SASH1: variants seen among roughly 807,000 people sequenced by gnomAD.
SASH1 encodes the protein SAM and SH3 domain-containing protein 1.
A neutral mutation model predicts 125.2 loss-of-function variants in SASH1; 44 were observed. The observed-to-expected ratio is 0.35, with a 90% CI of 0.28 to 0.45. The LOEUF is 0.45. Among genes scored for constraint, SASH1 ranks in the 20% least tolerant of loss-of-function variants. The probability of loss-of-function intolerance (pLI) is 1.00; values close to 1 mark genes in which losing one functional copy is unlikely to be tolerated. For missense variants in SASH1, 1,426 were observed against 1,614.5 expected (o/e 0.88, Z 2.00); for synonymous variants, 639 against 649.1 (o/e 0.98, Z 0.24).
At chr6:148,412,893 G>A (rs566068312) in intron 2 of SASH1, among the ~76,000 whole-genome samples, 6 of 152,246 alleles carry the variant, frequency 3.9e-5, no homozygotes, top group East Asian at 3.9e-4. Flanking sequence ...AAGAAAAGTC[G>A]TGTTCCTTAA....
At chr6:148,195,841 C>T in the SASH1 span, among the ~76,000 whole-genome samples, 1 of 152,220 alleles carries the variant, frequency 6.6e-6, no homozygotes, top group South Asian at 2.1e-4. Context: ...GCTACTCAAC[C>T]TGTGTGAACC....
chr6:148,543,292 A>G (rs1782341884), intron 17 of SASH1, among the ~76,000 whole-genome samples: 1 of 152,170 alleles, frequency 6.6e-6, no homozygotes, highest in South Asian at 2.1e-4. Context: ...CTTTTCCATC[A>G]TGACCTTGAG....
At chr6:148,305,801 G>A (rs1177038491) in intron 1 of SASH1, among the ~76,000 whole-genome samples, 1 of 152,158 alleles carries the variant, frequency 6.6e-6, no homozygotes, top group East Asian at 1.9e-4. Context: ...TGACGCACCA[G>A]AAACTAGCAA....
intron 1 of SASH1, among the ~76,000 whole-genome samples, chr6:148,346,980 C>G (rs1235223447): frequency 1.3e-5 from 2 of 152,130 alleles, no homozygotes; most frequent in East Asian, 3.9e-4. Flanking sequence ...AGTTAGAATC[C>G]TGTGGAATTT....
chr6:148,273,076 A>G (rs1259886536), intron 1 of SASH1, among the ~76,000 whole-genome samples: 3 of 152,068 alleles, frequency 2.0e-5, no homozygotes, highest in Non-Finnish European at 4.4e-5. Flanking sequence ...CCTGGGCAAC[A>G]TGGCGAAACA....
intron 8 of SASH1, among the ~76,000 whole-genome samples, chr6:148,504,764 GA>G (rs1779708817): frequency 6.6e-6 from 1 of 152,166 alleles, no homozygotes; most frequent in Non-Finnish European, 1.5e-5. Context: ...CTGGCCCGGG[GA>G]GCCTCCTGTT....
At chr6:148,328,493 T>C (rs1231573527) in intron 1 of SASH1, among the ~76,000 whole-genome samples, 1 of 151,748 alleles carries the variant, frequency 6.6e-6, no homozygotes, top group African/African-American at 2.4e-5. Context: ...CTCAGGAGGC[T>C]GAGGCAGGAG....
At chr6:148,373,762 G>A (rs1327324584) in intron 1 of SASH1, among the ~76,000 whole-genome samples, 1 of 152,188 alleles carries the variant, frequency 6.6e-6, no homozygotes, top group Non-Finnish European at 1.5e-5. Context: ...CTTGAGGTCA[G>A]GAGTTCGAGA....
chr6:148,387,389 G>A (rs1783417144), intron 1 of SASH1, among the ~76,000 whole-genome samples: 3 of 151,568 alleles, frequency 2.0e-5, no homozygotes, highest in Non-Finnish European at 4.4e-5. Context: ...TGGGATTACA[G>A]GCGTGAGCCA....
chr6:148,319,049 T>TG, intron 1 of SASH1, among the ~76,000 whole-genome samples: 2 of 136,558 alleles, frequency 1.5e-5, no homozygotes, highest in Non-Finnish European at 3.2e-5. Context: ...TTTTTTTTTT[T>TG]TGAGACGGAG....
chr6:148,391,093 GC>G (rs1401483867), intron 2 of SASH1, among the ~76,000 whole-genome samples: 3 of 151,406 alleles, frequency 2.0e-5, no homozygotes, highest in Non-Finnish European at 4.4e-5. Flanking sequence ...AGCAAAACTA[GC>G]CCACCACTAA....
At chr6:148,371,419 G>A (rs1441957138) in intron 1 of SASH1, among the ~76,000 whole-genome samples, 1 of 151,690 alleles carries the variant, frequency 6.6e-6, no homozygotes, top group African/African-American at 2.4e-5. Flanking sequence ...AGTACACCTA[G>A]CTAAATTTTT....
At chr6:148,508,996 G>A (rs543245562) in intron 8 of SASH1, 1 of 535,552 alleles carries the variant, frequency 1.9e-6, no homozygotes, top group Non-Finnish European at 3.3e-6. Flanking sequence ...AATTCCTCTA[G>A]ATTTGTCCTT....
At chr6:148,478,248 A>G (rs1219016722) in intron 7 of SASH1, among the ~76,000 whole-genome samples, 1 of 152,230 alleles carries the variant, frequency 6.6e-6, no homozygotes, top group East Asian at 1.9e-4. Context: ...AGTGCTGTTG[A>G]CGATCGCCAA....
At chr6:148,487,761 G>A in intron 8 of SASH1, 46 bp downstream of exon 8, 1 of 1,332,874 alleles carries the variant, frequency 7.5e-7, no homozygotes, top group African/African-American at 1.4e-5. Context: ...ACGCCGATAA[G>A]GGACAGTCTT....
chr6:148,289,451 C>A (rs1395507305), intron 1 of SASH1, among the ~76,000 whole-genome samples: 1 of 152,224 alleles, frequency 6.6e-6, no homozygotes, highest in African/African-American at 2.4e-5. Context: ...TTCCTGTTGA[C>A]TTCAGGGTAA....
chr6:148,460,734 C>A (rs1388471193), intron 4 of SASH1, among the ~76,000 whole-genome samples: 3 of 152,002 alleles, frequency 2.0e-5, no homozygotes, highest in African/African-American at 7.3e-5. Context: ...TGCTGAAAAT[C>A]CATTGGATAA....
At chr6:148,445,628 T>A (rs980917264) in intron 4 of SASH1, among the ~76,000 whole-genome samples, 2 of 152,302 alleles carry the variant, frequency 1.3e-5, no homozygotes, top group South Asian at 2.1e-4. Flanking sequence ...GACTGCTTTC[T>A]TTTTTCTTCT....
the SASH1 span, among the ~76,000 whole-genome samples, chr6:148,229,155 A>AC: frequency 1.4e-3 from 205 of 148,886 alleles, no homozygotes; most frequent in Middle Eastern, 3.6e-3. Context: ...AAAAAAAAAA[A>AC]AACACTTAAC....
Sources: allele counts gnomAD v4.1 joint callset (sites outside exome capture counted in the v4.1 genomes callset), GRCh38; gene constraint gnomAD v4.1.1; transcripts MANE v1.5; gene names NCBI Gene and HGNC (gene_info 2026-07-23, HGNC 2026-07-21).